The following LHFPL2 variants were observed in gnomAD, a reference collection of about 807,000 sequenced individuals.
LHFPL2 encodes LHFPL tetraspan subfamily member 2.
Under a neutral mutation model 17.5 loss-of-function variants are expected in LHFPL2, and 7 were observed. The ratio of observed to expected loss-of-function variants is 0.40; its 90% confidence interval spans 0.23 to 0.75. The LOEUF is 0.75. Among genes scored for constraint, LHFPL2 ranks in the 30% least tolerant of loss-of-function variants. LHFPL2 has a pLI of 0.37. For missense variants in LHFPL2, 241 were observed against 294.8 expected, an observed-to-expected ratio of 0.82 and a Z score of 1.34; for synonymous variants, 134 against 116.2, an observed-to-expected ratio of 1.15 and a Z score of -0.99.
In LHFPL2 at chr5:78,510,372, G is replaced by T; in HGVS notation, c.-159C>A. 2.7e-6 allele frequency: 2 copies of T among 728,544 alleles called. No homozygotes were observed. The highest frequency in any genetic ancestry group is 4.4e-6 in the Non-Finnish European group (2 of 456,002). 45.1% of individuals were successfully genotyped at this position (728,544 alleles called of 1,614,324 possible). On this transcript the variant is annotated 5_prime_UTR_variant, in exon 4 of 5. Transcript: ENST00000380345. ...GTTCATGCTGGGGACAGCGCTCCCG[G>T]ACCCAGAGCACCGCCTGCGGCCTCA... is the stretch of plus-strand genomic sequence containing the variant.
Position 78,500,076 on chromosome 5 carries a change from T to A in LHFPL2, c.430+9708A>T, listed in dbSNP as rs1028752625. Among the ~76,000 whole-genome samples, 4 of 150,572 alleles carry A rather than the reference T, an allele frequency of 2.7e-5. No homozygotes were observed. The East Asian group carries it at 7.7e-4, about 29-fold the overall frequency. Reference sequence around the variant, plus strand: ...ACTGACGACTTAGTTTTTGCTCAGATCTTCTATGCTTGGGAACCATTTGAA... The same window carrying A: ...ACTGACGACTTAGTTTTTGCTCAGAACTTCTATGCTTGGGAACCATTTGAA... On this transcript the variant is annotated intron_variant, in intron 4 of 4. Transcript: ENST00000380345.
chr5:78,580,854 T>C (rs887990205), intron 2 of LHFPL2, among the ~76,000 whole-genome samples: 6 of 152,120 alleles, frequency 3.9e-5, no homozygotes, highest in African/African-American at 1.4e-4. Flanking sequence ...CCATATGAAC[T>C]TTAAAGTAGT....
intron 2 of LHFPL2, among the ~76,000 whole-genome samples, chr5:78,585,253 C>T (rs1277321805): frequency 2.1e-5 from 2 of 96,420 alleles, no homozygotes; most frequent in African/African-American, 3.7e-5. Flanking sequence ...GTGATCCGCC[C>T]GCCTCGGCCT....
intron 4 of LHFPL2, among the ~76,000 whole-genome samples, chr5:78,491,762 G>A (rs1190728658): frequency 1.3e-5 from 2 of 152,108 alleles, no homozygotes; most frequent in African/African-American, 4.8e-5. Context: ...TTCTACCATC[G>A]TAACAAAAAC....
intron 1 of LHFPL2, among the ~76,000 whole-genome samples, chr5:78,634,655 T>A (rs566290534): frequency 6.6e-6 from 1 of 152,276 alleles, no homozygotes; most frequent in Admixed American, 6.5e-5. Context: ...TACATAGCCA[T>A]ATGGACTCAC....
At chr5:78,566,741 A>G (rs1013595136) in intron 2 of LHFPL2, among the ~76,000 whole-genome samples, 2 of 152,260 alleles carry the variant, frequency 1.3e-5, no homozygotes, top group African/African-American at 4.8e-5. Context: ...TACAGGCGTG[A>G]GCCACTGCGC....
chr5:78,588,566 A>G (rs1743517905), intron 2 of LHFPL2, among the ~76,000 whole-genome samples: 1 of 152,198 alleles, frequency 6.6e-6, no homozygotes, highest in Admixed American at 6.5e-5. Context: ...AAAGTTAACA[A>G]TGTACATAGA....
intron 4 of LHFPL2, among the ~76,000 whole-genome samples, chr5:78,500,045 T>C (rs1014845199): frequency 1.0e-4 from 15 of 147,694 alleles, no homozygotes; most frequent in Non-Finnish European, 1.9e-4. Flanking sequence ...AAAGGCAGTA[T>C]AATCAACTGA....
intron 2 of LHFPL2, among the ~76,000 whole-genome samples, chr5:78,591,415 A>C (rs534676338): frequency 6.6e-6 from 1 of 152,362 alleles, no homozygotes; most frequent in Admixed American, 6.5e-5. Context: ...CAAAAGGCTT[A>C]CTAAAATGTT....
chr5:78,491,885 G>A (rs1754456797), intron 4 of LHFPL2, among the ~76,000 whole-genome samples: 1 of 152,118 alleles, frequency 6.6e-6, no homozygotes, highest in Non-Finnish European at 1.5e-5. Flanking sequence ...TAATAATTTG[G>A]GGAGAGAGGA....
intron 3 of LHFPL2, among the ~76,000 whole-genome samples, chr5:78,541,713 A>G (rs1002020870): frequency 3.3e-5 from 5 of 152,200 alleles, no homozygotes; most frequent in Non-Finnish European, 7.4e-5. Context: ...AAGAGGGGGA[A>G]GAACATAAAA....
chr5:78,579,769 G>C (rs1386014018), intron 2 of LHFPL2, among the ~76,000 whole-genome samples: 2 of 152,178 alleles, frequency 1.3e-5, no homozygotes, highest in African/African-American at 4.8e-5. Context: ...TTGGTTCCAA[G>C]TCTTTGCTAT....
chr5:78,512,097 T>C (rs1309352118), intron 3 of LHFPL2, among the ~76,000 whole-genome samples: 1 of 152,092 alleles, frequency 6.6e-6, no homozygotes, highest in African/African-American at 2.4e-5. Flanking sequence ...TCAACAAATA[T>C]CAACTCCCTG....
Position 78,515,814 on chromosome 5 carries a change from G to A in LHFPL2, c.-185-5416C>T, listed in dbSNP as rs1051922999. 7.9e-5 allele frequency among the ~76,000 whole-genome samples: 12 copies of A among 152,252 alleles called. No homozygotes were observed. The East Asian group carries it at 1.9e-3, about 24-fold the overall frequency. ...GCAGCGTGGAAAAGGTCAGTTCCTT[G>A]GTATTGGGGAGGGGAGGCTGAAGGG... On this transcript the variant is annotated intron_variant, in intron 3 of 4. Coordinates refer to ENST00000380345, the MANE Select transcript of LHFPL2 (RefSeq NM_005779.3).
chr5:78,616,337 C>G (rs376173634), intron 2 of LHFPL2, among the ~76,000 whole-genome samples: 17 of 152,220 alleles, frequency 1.1e-4, no homozygotes, highest in African/African-American at 4.1e-4. Context: ...CCGTGTTAGC[C>G]AGGATGATCT....
chr5:78,599,135 G>A (rs908802284), intron 2 of LHFPL2, among the ~76,000 whole-genome samples: 3 of 152,062 alleles, frequency 2.0e-5, no homozygotes, highest in South Asian at 2.1e-4. Context: ...TGGCTCAGCC[G>A]TACTGTTTTA....
At chr5:78,646,502 T>A (rs984353955) in intron 1 of LHFPL2, among the ~76,000 whole-genome samples, 5 of 152,188 alleles carry the variant, frequency 3.3e-5, no homozygotes, top group African/African-American at 1.2e-4. Context: ...CACCATTTTA[T>A]AGACACAGAA....
Position 78,648,260 on chromosome 5 carries a change from T to C in LHFPL2, c.-350+239A>G, listed in dbSNP as rs1040120236. On this transcript the variant is annotated intron_variant, in intron 1 of 4. Coordinates refer to ENST00000380345, the MANE Select transcript of LHFPL2 (RefSeq NM_005779.3). This position sits in a 1 kb window ranked among gnomAD's most constrained non-coding sequence, Gnocchi z 5.4. ...CCACTTCTGCGGCCGCCGGCGGCGC[T>C]GAGAAGCAGCTGTTCCCTTCCCATT... 3.9e-5 allele frequency among the ~76,000 whole-genome samples: 6 copies of C among 152,038 alleles called. No homozygotes were observed. Among genetic ancestry groups the C allele is most frequent in the Admixed American group, 3.9e-4 (6 of 15,280 alleles).
At chr5:78,523,037 A>G (rs1366447899) in intron 3 of LHFPL2, among the ~76,000 whole-genome samples, 5 of 152,154 alleles carry the variant, frequency 3.3e-5, no homozygotes, top group African/African-American at 1.2e-4. Flanking sequence ...GACCATGCTG[A>G]CACTGCTTAT....
Sources: allele counts gnomAD v4.1 joint callset (sites outside exome capture counted in the v4.1 genomes callset), GRCh38; gene constraint gnomAD v4.1.1; non-coding constraint Gnocchi (gnomAD v3.1); transcripts MANE v1.5; gene names NCBI Gene and HGNC (gene_info 2026-07-23, HGNC 2026-07-21).